Variants in NRG3 observed in about 807,000 individuals in gnomAD.
NRG3 encodes pro-neuregulin-3, membrane-bound isoform.
Under a neutral mutation model 66.9 loss-of-function variants are expected in NRG3, and 31 were observed. The ratio of observed to expected loss-of-function variants is 0.46; its 90% CI spans 0.35 to 0.63. The LOEUF is 0.63. Among genes scored for constraint, NRG3 ranks in the 20% least tolerant of loss-of-function variants. The probability of loss-of-function intolerance (pLI) is 0.00; values close to 1 mark genes in which losing one functional copy is unlikely to be tolerated. For missense variants in NRG3, 910 were observed against 878.9 expected (o/e 1.04, Z -0.45); for synonymous variants, 393 against 359.4 (o/e 1.09, Z -1.06).
At chr10:82,353,079 G>A (rs1285034102) in intron 1 of NRG3, among the ~76,000 whole-genome samples, 1 of 152,166 alleles carries the variant, frequency 6.6e-6, no homozygotes, top group Non-Finnish European at 1.5e-5. Context: ...AGGATCAAGA[G>A]AATGGCTACT....
At chr10:82,410,691 C>A (rs898471285) in intron 2 of NRG3, among the ~76,000 whole-genome samples, 2 of 151,804 alleles carry the variant, frequency 1.3e-5, no homozygotes, top group African/African-American at 4.8e-5. Context: ...TTTAAAAGGG[C>A]AAATGTTTGT....
chr10:82,906,812 A>G (rs779248171), intron 4 of NRG3, among the ~76,000 whole-genome samples: 4 of 152,172 alleles, frequency 2.6e-5, no homozygotes, highest in Non-Finnish European at 5.9e-5. Context: ...CCTTGTTATT[A>G]AAGGAGTTAA....
At chr10:82,680,970 C>A (rs1012639083) in intron 2 of NRG3, among the ~76,000 whole-genome samples, 10 of 152,220 alleles carry the variant, frequency 6.6e-5, no homozygotes, top group Non-Finnish European at 1.3e-4. Flanking sequence ...TGCCACAGGG[C>A]AGGTTTACTT....
At chr10:82,137,476 A>C (rs182083815) in intron 1 of NRG3, among the ~76,000 whole-genome samples, 2 of 152,330 alleles carry the variant, frequency 1.3e-5, no homozygotes, top group Non-Finnish European at 1.5e-5. Flanking sequence ...CCACCCCATC[A>C]TGAAAAAATA....
intron 2 of NRG3, among the ~76,000 whole-genome samples, chr10:82,426,676 C>T (rs1267967281): frequency 1.3e-5 from 2 of 149,944 alleles, no homozygotes; most frequent in African/African-American, 2.4e-5. Flanking sequence ...TTTATTACCC[C>T]AGCTGGAGAG....
chr10:82,019,456 T>C (rs1349182683), intron 1 of NRG3, among the ~76,000 whole-genome samples: 1 of 148,196 alleles, frequency 6.7e-6, no homozygotes, highest in East Asian at 1.9e-4. Flanking sequence ...CCTCATAAAA[T>C]GAGTTAGGGA....
rs1291426627 is a variant in NRG3, at chr10:82,125,226, T to C, written c.824-233513T>C. On this transcript the variant is annotated intron_variant, in intron 1 of 8. Coordinates refer to ENST00000372141, the MANE Select transcript of NRG3 (RefSeq NM_001010848.4). ...ATTTAAGCAATGTCTGCGTGTTGAA[T>C]GTTTTGTTGTGCAGCTGTGTCAGTG... Among the ~76,000 whole-genome samples the C allele has an allele frequency of 3.3e-5, 5 of 151,970 alleles. No homozygotes were observed. The South Asian group carries it at 1.0e-3, about 32-fold the overall frequency.
At chr10:81,876,452 G>A (rs943152836) in intron 1 of NRG3, among the ~76,000 whole-genome samples, 4 of 152,136 alleles carry the variant, frequency 2.6e-5, no homozygotes, top group Non-Finnish European at 5.9e-5. Flanking sequence ...CCTTCAAAGG[G>A]TTAACGCGAG....
At chr10:82,182,196 C>T (rs2073471922) in intron 1 of NRG3, among the ~76,000 whole-genome samples, 1 of 150,858 alleles carries the variant, frequency 6.6e-6, no homozygotes, top group African/African-American at 2.4e-5. Context: ...TTAATCTACT[C>T]TGCCACTCTA....
chr10:82,301,217 C>T lies in NRG3; in HGVS notation c.824-57522C>T, dbSNP rs1335100119. Among the ~76,000 whole-genome samples the T allele has an allele frequency of 2.6e-5, 4 of 152,058 alleles. No homozygotes were observed. The East Asian group carries it at 5.8e-4, about 22-fold the overall frequency. On this transcript the variant is annotated intron_variant, in intron 1 of 8. Transcript: ENST00000372141. The stretch of plus-strand genomic sequence containing the variant: ...GCAGAACAGTTTTCTGACATGCTGC[C>T]CTACCAATTTAGCCCTGGCACTATA...
At chr10:82,384,795 A>T (rs2085870548) in intron 2 of NRG3, among the ~76,000 whole-genome samples, 1 of 152,226 alleles carries the variant, frequency 6.6e-6, no homozygotes, top group African/African-American at 2.4e-5. Context: ...GTATATACCC[A>T]GTAATGGGAT....
chr10:82,673,121 G>T (rs926100635), intron 2 of NRG3, among the ~76,000 whole-genome samples: 1 of 152,194 alleles, frequency 6.6e-6, no homozygotes, highest in African/African-American at 2.4e-5. Flanking sequence ...GTCAATTGCT[G>T]CAGTGTGAGT....
intron 3 of NRG3, among the ~76,000 whole-genome samples, chr10:82,821,130 C>A (rs762067014): frequency 1.2e-4 from 18 of 152,188 alleles, no homozygotes; most frequent in Non-Finnish European, 2.2e-4. Flanking sequence ...AGCACTATCA[C>A]AGAGTCAGAT....
rs539948853 is a variant in NRG3 at position 82,324,245 on chromosome 10, C to T, written c.824-34494C>T. Among the ~76,000 whole-genome samples, 69 of 152,250 alleles carry T rather than the reference C, an allele frequency of 4.5e-4. 1 individual carries two copies. Among genetic ancestry groups the T allele is most frequent in the Non-Finnish European group, 7.2e-4 (49 of 68,004 alleles). ...ATATAATTTCTTATTTTTAAAAATA[C>T]CTCTACAGTCTGTAGTGCTGTCATT... On this transcript the variant is annotated intron_variant, in intron 1 of 8. Coordinates refer to ENST00000372141, the MANE Select transcript of NRG3 (RefSeq NM_001010848.4).
chr10:82,170,810 T>G (rs939088765), intron 1 of NRG3, among the ~76,000 whole-genome samples: 1 of 150,484 alleles, frequency 6.6e-6, no homozygotes, highest in Non-Finnish European at 1.5e-5. Context: ...GTTTTGATAG[T>G]ATTGTGAGTT....
At chr10:82,123,522 C>T (rs370889324) in intron 1 of NRG3, among the ~76,000 whole-genome samples, 10 of 152,230 alleles carry the variant, frequency 6.6e-5, no homozygotes, top group East Asian at 1.9e-4. Context: ...CAGCATCTGA[C>T]GGATAACCCT....
intron 2 of NRG3, among the ~76,000 whole-genome samples, chr10:82,688,141 A>G (rs576835677): frequency 1.3e-5 from 2 of 152,308 alleles, no homozygotes; most frequent in African/African-American, 4.8e-5. Flanking sequence ...GTAAAATATA[A>G]GTCATTGTTT....
chr10:82,088,684 A>T (rs936022307), intron 1 of NRG3, among the ~76,000 whole-genome samples: 1 of 152,088 alleles, frequency 6.6e-6, no homozygotes, highest in African/African-American at 2.4e-5. Flanking sequence ...AAAGTTTTAA[A>T]ACTTTATCTC....
Position 81,938,251 on chromosome 10 carries a change from A to AG in NRG3, c.823+62088_823+62089insG, listed in dbSNP as rs550686978. Among the ~76,000 whole-genome samples the AG allele has an allele frequency of 3.2e-3, 490 of 152,178 alleles. 2 individuals carry two copies. The highest frequency in any genetic ancestry group is 5.0e-3 in the Admixed American group (76 of 15,280). ...CATAAGAATTTTGAAATTAAAAAAA[A>AG]AATTTCTGCAAAATGCCATTTGGAT... On this transcript the variant is annotated intron_variant, in intron 1 of 8. Coordinates refer to ENST00000372141, the MANE Select transcript of NRG3 (RefSeq NM_001010848.4).
Sources: allele counts gnomAD v4.1 joint callset (sites outside exome capture counted in the v4.1 genomes callset), GRCh38; gene constraint gnomAD v4.1.1; transcripts MANE v1.5; gene names NCBI Gene and HGNC (gene_info 2026-07-23, HGNC 2026-07-21).